The following MYH15 variants were observed in gnomAD, a reference collection of about 807,000 sequenced individuals.
MYH15 encodes the protein myosin heavy chain 15, also known as myosin-15.
MYH15 carries 227 observed loss-of-function variants against 240.5 expected under a neutral mutation model. The ratio of observed to expected loss-of-function variants is 0.94; its 90% confidence interval spans 0.85 to 1.05. The LOEUF is 1.05. Among genes scored for constraint, MYH15 ranks in the 50% least tolerant of loss-of-function variants. MYH15 has a pLI of 0.00. For synonymous variants in MYH15, 785 were observed against 796.7 expected (o/e 0.99, Z 0.25); for missense variants, 2,217 against 2,247.5 (o/e 0.99, Z 0.27).
chr3:108,531,525 T>C (rs1413004438), upstream of MYH15, among the ~76,000 whole-genome samples: 1 of 152,100 alleles, frequency 6.6e-6, no homozygotes, highest in Non-Finnish European at 1.5e-5. Flanking sequence ...TAAGAGAGAA[T>C]ATTTCTAAAA....
At chr3:108,444,503 G>A in intron 22 of MYH15, 137 bp downstream of exon 22, 2 of 999,812 alleles carry the variant, frequency 2.0e-6, no homozygotes, top group Non-Finnish European at 2.9e-6. Flanking sequence ...TGTTTTCATT[G>A]TCTTTGGTTT....
intron 38 of MYH15, among the ~76,000 whole-genome samples, chr3:108,385,524 A>G (rs2082376551): frequency 6.6e-6 from 1 of 152,130 alleles, no homozygotes; most frequent in Admixed American, 6.5e-5. Context: ...TATTCCAGAG[A>G]GAGAGGAGGC....
intron 4 of MYH15, 25 bp downstream of exon 4, chr3:108,500,093 T>G: frequency 6.2e-7 from 1 of 1,604,778 alleles, no homozygotes; most frequent in Non-Finnish European, 8.5e-7. Context: ...ATTTTTACTT[T>G]TCATTTTGTA....
intron 32 of MYH15, among the ~76,000 whole-genome samples, chr3:108,405,906 A>C (rs986567100): frequency 1.4e-4 from 21 of 152,222 alleles, no homozygotes; most frequent in Admixed American, 1.3e-3. Context: ...ATGTATTCAG[A>C]GAACAAACAA....
In MYH15 at chr3:108,410,881, G is replaced by A. The variant is rs2107548216; in HGVS notation, c.4197C>T (p.Ala1399=). The change falls in exon 31 of 41, where the codon GCC becomes GCT. Residue 1399 remains alanine, a synonymous_variant. Transcript: ENST00000693548. ...LQEAAEAMGV[A]NARNASLERA... ...TCTCCAAGGAGGCATTTCTGGCATT[G>A]GCCACCCCCATGGCTTCGGCTGCCT... 1 of 1,611,316 alleles carries A rather than the reference G, an allele frequency of 6.2e-7. No individual in the cohort carries two copies. Among genetic ancestry groups the A allele is most frequent in the Non-Finnish European group, 8.5e-7 (1 of 1,177,762 alleles).
chr3:108,445,898 A>G (rs928092136), intron 21 of MYH15, among the ~76,000 whole-genome samples: 12 of 152,230 alleles, frequency 7.9e-5, no homozygotes, highest in Admixed American at 7.2e-4. Flanking sequence ...TTGGAATCAA[A>G]TACTCAGTGG....
chr3:108,526,022 TA>T (rs760179907), intron 1 of MYH15, among the ~76,000 whole-genome samples: 6 of 152,068 alleles, frequency 3.9e-5, no homozygotes, highest in Non-Finnish European at 7.4e-5. Context: ...AGGGAAGAAA[TA>T]TCCTGTTCTG....
At chr3:108,400,639 T>C (rs1184678627) in intron 33 of MYH15, among the ~76,000 whole-genome samples, 1 of 152,012 alleles carries the variant, frequency 6.6e-6, no homozygotes, top group East Asian at 1.9e-4. Context: ...TGAAATCCCA[T>C]CCCTACTAAA....
At chr3:108,510,602 T>C (rs568027324), upstream of MYH15, 14 of 1,411,228 alleles carry the variant, frequency 9.9e-6, no homozygotes, top group East Asian at 2.4e-5. Context: ...AAAAAAAAAA[T>C]TGATACAGAG....
chr3:108,439,369 T>G (rs2082866987), intron 24 of MYH15, among the ~76,000 whole-genome samples: 1 of 152,134 alleles, frequency 6.6e-6, no homozygotes, highest in Non-Finnish European at 1.5e-5. Flanking sequence ...AAACTAATCC[T>G]TCAACACTAG....
chr3:108,447,114 C>G (rs2082935081), intron 21 of MYH15, among the ~76,000 whole-genome samples: 1 of 151,934 alleles, frequency 6.6e-6, no homozygotes, highest in Non-Finnish European at 1.5e-5. Context: ...AGTATAAATG[C>G]AATCAAGGGG....
the MYH15 span, among the ~76,000 whole-genome samples, chr3:108,540,255 T>C: frequency 1.3e-5 from 2 of 152,216 alleles, no homozygotes; most frequent in African/African-American, 4.8e-5. Context: ...GAATAAAATG[T>C]TAGCTAAAGT....
At chr3:108,541,116 A>G in the MYH15 span, among the ~76,000 whole-genome samples, 1 of 152,000 alleles carries the variant, frequency 6.6e-6, no homozygotes, top group African/African-American at 2.4e-5. Flanking sequence ...AGAGATGTCA[A>G]TTCTTCCTAA....
At chr3:108,518,295 T>C (rs1425832637) in intron 1 of MYH15, among the ~76,000 whole-genome samples, 1 of 152,200 alleles carries the variant, frequency 6.6e-6, no homozygotes, top group Non-Finnish European at 1.5e-5. Context: ...TTTCCTACTT[T>C]GTTCACCTTT....
At chr3:108,442,712 A>G (rs986369783) in intron 22 of MYH15, among the ~76,000 whole-genome samples, 3 of 152,068 alleles carry the variant, frequency 2.0e-5, no homozygotes, top group Non-Finnish European at 4.4e-5. Context: ...TGTTAATTGA[A>G]ATGGGGTCAC....
chr3:108,412,935 A>G (rs924774039), intron 30 of MYH15, among the ~76,000 whole-genome samples: 2 of 152,342 alleles, frequency 1.3e-5, no homozygotes, highest in East Asian at 3.9e-4. Flanking sequence ...TATTTATTCT[A>G]TGTCCCACCA....
chr3:108,421,037 A>T (rs765795871), intron 28 of MYH15, 51 bp downstream of exon 28: 2 of 1,609,874 alleles, frequency 1.2e-6, no homozygotes, highest in South Asian at 2.2e-5. Context: ...TGCCTTCATG[A>T]GTCTGCTGGG....
At chr3:108,397,440 AAAG>A (rs1442604019) in intron 35 of MYH15, among the ~76,000 whole-genome samples, 1 of 152,210 alleles carries the variant, frequency 6.6e-6, no homozygotes, top group Admixed American at 6.5e-5. Flanking sequence ...TTGGATTGTC[AAAG>A]AAGGCTTTCT....
At chr3:108,466,014 T>C (rs1462305272) in intron 14 of MYH15, among the ~76,000 whole-genome samples, 2 of 152,204 alleles carry the variant, frequency 1.3e-5, no homozygotes, top group Non-Finnish European at 1.5e-5. Context: ...ATATAGTTTC[T>C]GTCAGACCCT....
Sources: gnomAD v4.1 joint callset for allele counts (sites outside exome capture counted in the v4.1 genomes callset) on GRCh38, gnomAD v4.1.1 for gene constraint, MANE v1.5 for transcripts, NCBI Gene and HGNC (gene_info 2026-07-23, HGNC 2026-07-21) for gene names.